Variants in KTN1 observed in about 807,000 individuals in gnomAD.
The protein encoded by KTN1 is kinectin.
Under a neutral mutation model 222.5 loss-of-function variants are expected in KTN1, and 130 were observed. The ratio of observed to expected loss-of-function variants is 0.58; its 90% CI spans 0.51 to 0.68. KTN1 has a LOEUF of 0.68. Among genes scored for constraint, KTN1 ranks in the 30% least tolerant of loss-of-function variants. The pLI is 0.00. For synonymous variants in KTN1, 512 were observed against 496.3 expected (o/e 1.03, Z -0.42); for missense variants, 1,508 against 1,500.4 (o/e 1.01, Z -0.08).
chr14:55,627,129 A>T (rs185994576), intron 5 of KTN1, among the ~76,000 whole-genome samples: 3 of 152,198 alleles, frequency 2.0e-5, no homozygotes, highest in African/African-American at 4.8e-5. Flanking sequence ...GGTTACTGTC[A>T]TTCATAGCAG....
intron 43 of KTN1, chr14:55,680,240 C>T (rs1454133233): frequency 6.3e-6 from 1 of 159,152 alleles, no homozygotes; most frequent in African/African-American, 2.4e-5. Flanking sequence ...ATAGCTAAAC[C>T]CATAATTAAC....
At chr14:55,663,805 T>A in intron 32 of KTN1, 150 bp from the exon 33 acceptor site, 1 of 571,746 alleles carries the variant, frequency 1.7e-6, no homozygotes, top group Non-Finnish European at 3.1e-6. Flanking sequence ...AAACATTGCT[T>A]TTTATTTTTT....
chr14:55,606,775 A>C (rs938039381), intron 1 of KTN1, among the ~76,000 whole-genome samples: 5 of 152,164 alleles, frequency 3.3e-5, no homozygotes, highest in Admixed American at 2.0e-4. Context: ...TGCAATTTTA[A>C]AAGTTGAACA....
intron 43 of KTN1, chr14:55,681,000 A>C: frequency 3.6e-6 from 1 of 278,802 alleles, no homozygotes; most frequent in South Asian, 3.9e-5. Context: ...CAGTCTTGAA[A>C]ACATGCTCAG....
chr14:55,619,762 G>T (rs1365585545), intron 5 of KTN1, among the ~76,000 whole-genome samples: 3 of 152,034 alleles, frequency 2.0e-5, no homozygotes, highest in African/African-American at 7.3e-5. Flanking sequence ...ACAACACATG[G>T]GAATTATGGG....
chr14:55,647,494 A>G (rs1458028424), intron 19 of KTN1, among the ~76,000 whole-genome samples: 2 of 151,604 alleles, frequency 1.3e-5, no homozygotes, highest in African/African-American at 4.9e-5. Flanking sequence ...TTAGCCAGGC[A>G]TGGTGGTGCA....
At chr14:55,629,836 T>G (rs1445017607) in intron 6 of KTN1, 121 bp from the exon 7 acceptor site, 1 of 732,648 alleles carries the variant, frequency 1.4e-6, no homozygotes, top group Non-Finnish European at 2.3e-6. Flanking sequence ...AAGCAAGTAC[T>G]TAATGTTTTA....
chr14:55,642,702 G>A (rs1027667112), intron 18 of KTN1, among the ~76,000 whole-genome samples: 1 of 152,116 alleles, frequency 6.6e-6, no homozygotes, highest in Non-Finnish European at 1.5e-5. Flanking sequence ...ATATTGAGCT[G>A]GTGTAAGTAG....
chr14:55,636,156 C>G (rs1261439129), intron 9 of KTN1, among the ~76,000 whole-genome samples: 7 of 152,130 alleles, frequency 4.6e-5, no homozygotes, highest in Non-Finnish European at 1.0e-4. Flanking sequence ...CTAAGTGGAT[C>G]AGATGTATAT....
chr14:55,682,275 C>T (rs150432988), intron 43 of KTN1: 3 of 152,056 alleles, frequency 2.0e-5, no homozygotes, highest in African/African-American at 7.2e-5. Context: ...TATTTTTCCT[C>T]CCCCCATCAA....
intron 2 of KTN1, among the ~76,000 whole-genome samples, chr14:55,613,524 C>A (rs928636202): frequency 1.4e-5 from 2 of 141,122 alleles, no homozygotes; most frequent in African/African-American, 5.3e-5. Context: ...ATGGGAGTCT[C>A]ACACTCTCAC....
At chr14:55,623,893 G>A (rs535026440) in intron 5 of KTN1, among the ~76,000 whole-genome samples, 17 of 152,242 alleles carry the variant, frequency 1.1e-4, no homozygotes, top group African/African-American at 3.4e-4. Flanking sequence ...GATGTTGCTG[G>A]TAGCTTATGG....
At chr14:55,675,712 T>C in intron 40 of KTN1, 123 bp from the exon 41 acceptor site, 1 of 590,032 alleles carries the variant, frequency 1.7e-6, no homozygotes. Flanking sequence ...GTGCAGCATA[T>C]TGGCTAATCC....
rs780630885 is a variant in KTN1, at chr14:55,628,044, T to A, written c.1080+16T>A. On this transcript the variant is annotated intron_variant, in intron 6 of 43. Coordinates refer to ENST00000395314, the MANE Select transcript of KTN1 (RefSeq NM_001079521.2). ...GTTAACCCAGGTGAAGACATTCTTA[T>A]GTACGAGGGATATACTTCCCAAATC... 1 of 1,452,958 alleles carries A rather than the reference T, an allele frequency of 6.9e-7. No homozygotes were observed. 90.0% of individuals were successfully genotyped at this position (1,452,958 alleles called of 1,614,324 possible).
intron 1 of KTN1, among the ~76,000 whole-genome samples, chr14:55,595,707 C>CATGT (rs1410762567): frequency 6.6e-6 from 1 of 152,172 alleles, no homozygotes; most frequent in Non-Finnish European, 1.5e-5. Context: ...AGTATTCAGC[C>CATGT]ATGTTCAGGA....
chr14:55,640,705 A>G (rs964851164), intron 15 of KTN1, among the ~76,000 whole-genome samples: 1 of 151,960 alleles, frequency 6.6e-6, no homozygotes, highest in Non-Finnish European at 1.5e-5. Flanking sequence ...GAGCCATTTA[A>G]TTCAAAAAGG....
At chr14:55,583,388 A>T (rs2032184404) in intron 1 of KTN1, among the ~76,000 whole-genome samples, 1 of 152,224 alleles carries the variant, frequency 6.6e-6, no homozygotes, top group Non-Finnish European at 1.5e-5. Flanking sequence ...TAGGAAATAT[A>T]ATATTCCTCG....
chr14:55,581,893 C>CTT (rs199963122), intron 1 of KTN1, among the ~76,000 whole-genome samples: 90 of 144,076 alleles, frequency 6.2e-4, no homozygotes, highest in African/African-American at 2.1e-3. Flanking sequence ...AAAAAAGGCT[C>CTT]TTTTTTTTTT....
chr14:55,660,268 C>G (rs1276845794), intron 31 of KTN1, among the ~76,000 whole-genome samples: 1 of 151,872 alleles, frequency 6.6e-6, no homozygotes, highest in Non-Finnish European at 1.5e-5. Context: ...GTCCCAGCTA[C>G]TCGGGAGGCT....
Sources: gnomAD v4.1 joint callset for allele counts (sites outside exome capture counted in the v4.1 genomes callset) on GRCh38, gnomAD v4.1.1 for gene constraint, MANE v1.5 for transcripts, NCBI Gene and HGNC (gene_info 2026-07-23, HGNC 2026-07-21) for gene names.